Variants in GABRA5 observed in about 807,000 individuals in gnomAD.
The protein encoded by GABRA5 is gamma-aminobutyric acid receptor subunit alpha-5.
Under a neutral mutation model 47.3 loss-of-function variants are expected in GABRA5, and 18 were observed. The ratio of observed to expected loss-of-function variants is 0.38; its 90% CI spans 0.26 to 0.56. The LOEUF (loss-of-function observed/expected upper bound fraction) is 0.56, where lower values mean the gene tolerates loss of function less well. Ranked by LOEUF, GABRA5 falls within the 20% of genes least tolerant of loss-of-function variation. The probability of loss-of-function intolerance (pLI) is 0.71; values close to 1 mark genes in which losing one functional copy is unlikely to be tolerated. For missense variants in GABRA5, 365 were observed against 599.3 expected (o/e 0.61, Z 4.08); for synonymous variants, 237 against 229.3 (o/e 1.03, Z -0.30).
At chr15:26,931,068 G>T (rs977496504) in intron 7 of GABRA5, among the ~76,000 whole-genome samples, 3 of 151,156 alleles carry the variant, frequency 2.0e-5, no homozygotes, top group East Asian at 2.0e-4. Flanking sequence ...GCTAATTTTT[G>T]TATTTTTTTT....
chr15:26,921,469 G>A (rs1893840888), intron 7 of GABRA5, among the ~76,000 whole-genome samples: 1 of 152,066 alleles, frequency 6.6e-6, no homozygotes, highest in African/African-American at 2.4e-5. Flanking sequence ...TCTTATTTCT[G>A]ACGTTGGTAA....
intron 7 of GABRA5, among the ~76,000 whole-genome samples, chr15:26,935,599 G>A (rs1840471462): frequency 6.6e-6 from 1 of 152,202 alleles, no homozygotes; most frequent in Non-Finnish European, 1.5e-5. Flanking sequence ...AGCCATCAGT[G>A]ACTGTGCCGT....
intron 7 of GABRA5, among the ~76,000 whole-genome samples, chr15:26,927,270 A>AT (rs11400477): frequency 0.23 from 32,424 of 142,180 alleles, 4,212 homozygotes; most frequent in East Asian, 0.55. Flanking sequence ...TGTCCAGCTA[A>AT]TTTTTTTTTT....
At chr15:26,880,071 T>C (rs1892690057) in intron 3 of GABRA5, among the ~76,000 whole-genome samples, 1 of 152,206 alleles carries the variant, frequency 6.6e-6, no homozygotes, top group African/African-American at 2.4e-5. Flanking sequence ...CCAGATACCA[T>C]CCTCAGTTTG....
intron 7 of GABRA5, 98 bp from the exon 8 acceptor site, chr15:26,937,087 T>C: frequency 6.9e-7 from 1 of 1,450,782 alleles, no homozygotes; most frequent in East Asian, 2.3e-5. Flanking sequence ...TTTCAAACGT[T>C]CTCATCCTCT....
chr15:26,946,580 G>T (rs373214559), intron 10 of GABRA5, among the ~76,000 whole-genome samples: 1 of 151,996 alleles, frequency 6.6e-6, no homozygotes, highest in African/African-American at 2.4e-5. Context: ...AGTGTGAAAC[G>T]CACAAGTACT....
At position 26,883,422 on chromosome 15, in the gene GABRA5, A is replaced by T; in HGVS notation, c.362A>T (p.Asn121Ile). 6.2e-7 allele frequency: 1 copy of T among 1,614,064 alleles called. No homozygotes were observed. The highest frequency in any genetic ancestry group is 8.5e-7 in the Non-Finnish European group (1 of 1,179,954). ...GGGCCCATGCAGCGCCTCCCTCTCAACAACCTCCTTGCCAGCAAGATCTGG... is the reference window on the plus strand; with the variant it reads ...GGGCCCATGCAGCGCCTCCCTCTCATCAACCTCCTTGCCAGCAAGATCTGG... ...FKGPMQRLPL[N>I]NLLASKIWTP... The change falls in exon 6 of 11, where the codon AAC (asparagine) becomes ATC (isoleucine). Residue 121 changes from asparagine (N) to isoleucine (I), a missense_variant. Physicochemically the swap from Asn to Ile is moderately radical, Grantham distance 149. Transcript: ENST00000335625. This position sits in a 1 kb window ranked among gnomAD's most constrained non-coding sequence, Gnocchi z 4.8.
chr15:26,922,220 A>G (rs1000470271), intron 7 of GABRA5, among the ~76,000 whole-genome samples: 1 of 152,106 alleles, frequency 6.6e-6, no homozygotes, highest in Non-Finnish European at 1.5e-5. Flanking sequence ...CTATTTGTCT[A>G]TTTCCACTTT....
At chr15:26,882,925 C>T (rs1892769238) in intron 4 of GABRA5, among the ~76,000 whole-genome samples, 1 of 152,212 alleles carries the variant, frequency 6.6e-6, no homozygotes, top group Non-Finnish European at 1.5e-5. Flanking sequence ...GACTGCTCCC[C>T]AGGGAGCAGA....
chr15:26,922,880 C>A (rs1893875872), intron 7 of GABRA5, among the ~76,000 whole-genome samples: 1 of 152,210 alleles, frequency 6.6e-6, no homozygotes, highest in Admixed American at 6.5e-5. Context: ...CTAGACTCAG[C>A]TTCCCAAAGT....
rs140157598 is a variant in GABRA5, at chr15:26,921,350, C to T, written c.580+6465C>T. Among the ~76,000 whole-genome samples, 1,507 of 151,984 alleles carry T rather than the reference C, an allele frequency of 9.9e-3. 21 individuals are homozygous for T. The highest frequency in any genetic ancestry group is 0.034 in the African/African-American group (1,401 of 41,468). ...TTATTAGGTGAGTTTGGGTAAATTG[C>T]GCTTTTTGAGAAATTGGTTTATTTT... On this transcript the variant is annotated intron_variant, in intron 7 of 10. Transcript: ENST00000335625.
At chr15:26,877,486 T>G (rs1285772103) in intron 3 of GABRA5, among the ~76,000 whole-genome samples, 1 of 152,218 alleles carries the variant, frequency 6.6e-6, no homozygotes, top group Non-Finnish European at 1.5e-5. Context: ...AAGCTGCAGC[T>G]TAAAACAAGC....
At chr15:26,934,089 C>CA (rs1894174005) in intron 7 of GABRA5, among the ~76,000 whole-genome samples, 1 of 151,676 alleles carries the variant, frequency 6.6e-6, no homozygotes, top group Non-Finnish European at 1.5e-5. Context: ...CCCATCTATA[C>CA]AAAAAATGCA....
intron 6 of GABRA5, among the ~76,000 whole-genome samples, chr15:26,904,424 T>C (rs1198125652): frequency 1.3e-5 from 2 of 152,152 alleles, no homozygotes; most frequent in Admixed American, 6.5e-5. Context: ...TCTTTTTGCT[T>C]AGGGTCGCCT....
chr15:26,934,288 A>G (rs12904832), intron 7 of GABRA5, among the ~76,000 whole-genome samples: 62,106 of 148,906 alleles, frequency 0.42, 13,931 homozygotes, highest in East Asian at 0.67. Context: ...AAAAAAAGGA[A>G]AGAAAGAAAG....
At chr15:26,942,609 A>C (rs928251062) in intron 9 of GABRA5, among the ~76,000 whole-genome samples, 3 of 152,106 alleles carry the variant, frequency 2.0e-5, no homozygotes, top group African/African-American at 7.2e-5. Context: ...GCAGAATCGT[A>C]TCACTCACTC....
chr15:26,932,514 G>T (rs894404985), intron 7 of GABRA5, among the ~76,000 whole-genome samples: 4 of 152,240 alleles, frequency 2.6e-5, no homozygotes, highest in African/African-American at 7.2e-5. Context: ...TACACTGTTG[G>T]TGAGAATGTA....
At chr15:26,901,038 A>G (rs934780047) in intron 6 of GABRA5, among the ~76,000 whole-genome samples, 5 of 152,086 alleles carry the variant, frequency 3.3e-5, no homozygotes, top group African/African-American at 9.7e-5. Flanking sequence ...TTATCTGCAT[A>G]CACTATAGTT....
chr15:26,933,585 T>G (rs1894160945), intron 7 of GABRA5, among the ~76,000 whole-genome samples: 1 of 152,200 alleles, frequency 6.6e-6, no homozygotes, highest in Admixed American at 6.5e-5. Flanking sequence ...AGTAACAGCA[T>G]GGTCTCTGAC....
Sources: allele counts gnomAD v4.1 joint callset (sites outside exome capture counted in the v4.1 genomes callset), GRCh38; gene constraint gnomAD v4.1.1; non-coding constraint Gnocchi (gnomAD v3.1); transcripts MANE v1.5; gene names NCBI Gene and HGNC (gene_info 2026-07-23, HGNC 2026-07-21).